SLCO3A1: variants seen among roughly 807,000 people sequenced by gnomAD.
The protein encoded by SLCO3A1 is PGE1 transporter.
In SLCO3A1, 27 loss-of-function variants were observed where a neutral mutation model predicts 63.1. The observed-to-expected ratio is 0.43, with a 90% CI of 0.32 to 0.59. The LOEUF (loss-of-function observed/expected upper bound fraction) is 0.59. SLCO3A1 is among the 20% of genes least tolerant of loss of function. The pLI, the probability that SLCO3A1 is intolerant of heterozygous loss-of-function variation, is 0.09. For synonymous variants in SLCO3A1, 473 were observed against 409.9 expected (o/e 1.15, Z -1.86); for missense variants, 773 against 945.8 (o/e 0.82, Z 2.40).
At chr15:92,118,718 C>T (rs534073658) in intron 4 of SLCO3A1, among the ~76,000 whole-genome samples, 4 of 152,286 alleles carry the variant, frequency 2.6e-5, no homozygotes, top group Admixed American at 6.5e-5. Flanking sequence ...CATGCCACCA[C>T]GGCACTGATC....
intron 2 of SLCO3A1, among the ~76,000 whole-genome samples, chr15:92,017,066 AAGG>A (rs372190300): frequency 1.6e-3 from 250 of 152,284 alleles, no homozygotes; most frequent in African/African-American, 5.8e-3. Context: ...TGAACAGATA[AAGG>A]AGGACTCCAA....
chr15:91,973,741 C>T (rs115450476), intron 2 of SLCO3A1, among the ~76,000 whole-genome samples: 92 of 152,206 alleles, frequency 6.0e-4, no homozygotes, highest in African/African-American at 1.9e-3. Flanking sequence ...AAGCCTCCAT[C>T]GGTGCACAGG....
intron 9 of SLCO3A1, among the ~76,000 whole-genome samples, chr15:92,160,282 C>G (rs913308304): frequency 1.3e-5 from 2 of 152,184 alleles, no homozygotes; most frequent in African/African-American, 4.8e-5. Context: ...GTAATACACA[C>G]TGGCTCCAGA....
At chr15:91,937,248 A>C (rs1597137450) in intron 2 of SLCO3A1, among the ~76,000 whole-genome samples, 1 of 152,226 alleles carries the variant, frequency 6.6e-6, no homozygotes, top group Non-Finnish European at 1.5e-5. Flanking sequence ...TCCTGTGCTC[A>C]GCTGTCAGCT....
At chr15:92,068,366 C>T (rs1044846219) in intron 2 of SLCO3A1, among the ~76,000 whole-genome samples, 2 of 137,520 alleles carry the variant, frequency 1.5e-5, no homozygotes, top group Admixed American at 7.7e-5. Context: ...AGATGGTTTA[C>T]TCTGTTCTAC....
At chr15:91,989,139 A>C (rs892604481) in intron 2 of SLCO3A1, among the ~76,000 whole-genome samples, 2 of 152,064 alleles carry the variant, frequency 1.3e-5, no homozygotes, top group Admixed American at 6.6e-5. Context: ...TGTTTATTCC[A>C]CTGTGCCTTC....
intron 1 of SLCO3A1, among the ~76,000 whole-genome samples, chr15:91,861,970 G>A (rs1318651432): frequency 6.7e-6 from 1 of 150,260 alleles, no homozygotes; most frequent in Non-Finnish European, 1.5e-5. Flanking sequence ...GGGTGGGGCG[G>A]GTGGGGCAGG....
At chr15:92,124,197 T>G (rs546308740) in intron 5 of SLCO3A1, among the ~76,000 whole-genome samples, 2 of 152,256 alleles carry the variant, frequency 1.3e-5, no homozygotes, top group African/African-American at 4.8e-5. Context: ...CACAGGTGAT[T>G]AAAGAGCTGG....
rs1897723762 is a variant in SLCO3A1 at position 91,886,361 on chromosome 15, G to A, written c.181-29632G>A. Among the ~76,000 whole-genome samples, 1 of 151,962 alleles carries A rather than the reference G, an allele frequency of 6.6e-6. No individual in the cohort carries two copies. Among genetic ancestry groups the A allele is most frequent in the East Asian group, 1.9e-4 (1 of 5,188 alleles). On this transcript the variant is annotated intron_variant, in intron 1 of 9. Transcript: ENST00000318445. The surrounding 1 kb of genome is among the most constrained non-coding windows in gnomAD (Gnocchi z 4.9). ...GATTTCCTTCAAGTCCTCCTTTTAG[G>A]CAAGAGCTGCCTCCTATGAGCCCCT...
intron 2 of SLCO3A1, among the ~76,000 whole-genome samples, chr15:92,079,060 A>G (rs796389959): frequency 2.0e-5 from 3 of 152,342 alleles, no homozygotes; most frequent in African/African-American, 7.2e-5. Context: ...TCCAGCGATA[A>G]TGAGTAAAAT....
At chr15:92,117,983 T>C (rs1346397096) in intron 4 of SLCO3A1, among the ~76,000 whole-genome samples, 1 of 152,220 alleles carries the variant, frequency 6.6e-6, no homozygotes, top group African/African-American at 2.4e-5. Context: ...ATAGGTGTTA[T>C]AAAGGTAAAC....
intron 3 of SLCO3A1, among the ~76,000 whole-genome samples, chr15:92,102,795 C>T (rs902397622): frequency 1.3e-5 from 2 of 152,114 alleles, no homozygotes; most frequent in African/African-American, 4.8e-5. Flanking sequence ...CACCTCGGGC[C>T]CTACAGAGAG....
intron 2 of SLCO3A1, among the ~76,000 whole-genome samples, chr15:91,932,294 TA>T (rs1404835346): frequency 6.6e-6 from 1 of 152,184 alleles, no homozygotes; most frequent in Non-Finnish European, 1.5e-5. Flanking sequence ...ACTTAAAACA[TA>T]TTCAAAATTA....
chr15:92,037,121 A>G (rs11074035), intron 2 of SLCO3A1, among the ~76,000 whole-genome samples: 66,364 of 152,040 alleles, frequency 0.44, 15,933 homozygotes, highest in Admixed American at 0.61. Context: ...GTTGTATTCT[A>G]TAAGCCCCCT....
At chr15:92,120,401 G>A in intron 4 of SLCO3A1, 64 bp from the exon 5 acceptor site, 1 of 1,520,868 alleles carries the variant, frequency 6.6e-7, no homozygotes, top group African/African-American at 1.4e-5. Flanking sequence ...GGAGCAGGGA[G>A]CTATAAGATG....
chr15:92,043,352 C>G (rs1316541253), intron 2 of SLCO3A1, among the ~76,000 whole-genome samples: 1 of 152,172 alleles, frequency 6.6e-6, no homozygotes, highest in Non-Finnish European at 1.5e-5. Flanking sequence ...CAAACAGGGG[C>G]CAAACATCCA....
At chr15:92,150,054 A>G (rs1224810769) in intron 8 of SLCO3A1, among the ~76,000 whole-genome samples, 1 of 152,170 alleles carries the variant, frequency 6.6e-6, no homozygotes, top group Non-Finnish European at 1.5e-5. Context: ...TCAACCAGCC[A>G]GAGTCACGTC....
chr15:92,155,004 G>GACA (rs1367645632), intron 9 of SLCO3A1, among the ~76,000 whole-genome samples: 2 of 152,198 alleles, frequency 1.3e-5, no homozygotes, highest in African/African-American at 4.8e-5. Context: ...GCCAGAGAGG[G>GACA]ACAGGGGTCA....
In SLCO3A1 at chr15:91,865,738, C is replaced by G. The variant is rs1206504066; in HGVS notation, c.180+11650C>G. On this transcript the variant is annotated intron_variant, in intron 1 of 9. Coordinates refer to ENST00000318445, the MANE Select transcript of SLCO3A1 (RefSeq NM_013272.4). This position sits in a 1 kb window ranked among gnomAD's most constrained non-coding sequence, Gnocchi z 4.6. ...ACCGGTCACATTGGATTAGGGCTCA[C>G]CCTAATGACCTCATGTGACTAGCTT... Among the ~76,000 whole-genome samples the G allele has an allele frequency of 6.6e-6, 1 of 152,242 alleles. No individual in the cohort carries two copies. The highest frequency in any genetic ancestry group is 2.1e-4 in the South Asian group (1 of 4,834).
Sources: gnomAD v4.1 joint callset for allele counts (sites outside exome capture counted in the v4.1 genomes callset) on GRCh38, gnomAD v4.1.1 for gene constraint, Gnocchi (gnomAD v3.1) non-coding constraint, MANE v1.5 for transcripts, NCBI Gene and HGNC (gene_info 2026-07-23, HGNC 2026-07-21) for gene names.